Variants in EDA observed in about 807,000 individuals in gnomAD.
EDA encodes the protein ectodysplasin A, also known as ectodysplasin-A.
Under a neutral mutation model 23.6 loss-of-function variants are expected in EDA, and 2 were observed. That is an observed-to-expected ratio of 0.08 (90% CI 0.03 to 0.27). The LOEUF (loss-of-function observed/expected upper bound fraction) is 0.27. Among genes scored for constraint, EDA ranks in the 10% least tolerant of loss-of-function variants. The pLI is 1.00. For synonymous variants in EDA, 131 were observed against 132.0 expected, an observed-to-expected ratio of 0.99 and a Z score of 0.05; for missense variants, 229 against 324.2, an observed-to-expected ratio of 0.71 and a Z score of 2.26.
chrX:69,753,699 C>G lies in EDA; in HGVS notation c.396+136995C>G, dbSNP rs1005092168. 6.3e-5 allele frequency among the ~76,000 whole-genome samples: 7 copies of G among 111,201 alleles called. No homozygotes were observed. In the South Asian group the frequency reaches 1.1e-3, roughly 18 times the overall value. The stretch of plus-strand genomic sequence containing the variant: ...TGTTAAAGTCTCCCATTATTATTGT[C>G]TGGGTGTCTAAGTCTCTTTGTAGGT... On this transcript the variant is annotated intron_variant, in intron 1 of 7. Coordinates refer to ENST00000374552, the MANE Select transcript of EDA (RefSeq NM_001399.5).
intron 1 of EDA, among the ~76,000 whole-genome samples, chrX:69,796,428 C>T (rs1044367526): frequency 1.6e-4 from 18 of 111,296 alleles, no homozygotes; most frequent in African/African-American, 5.6e-4. Context: ...CAAATAACTA[C>T]ACCCTAAGCC....
chrX:69,900,422 T>C (rs1342237003), intron 1 of EDA, among the ~76,000 whole-genome samples: 1 of 107,269 alleles, frequency 9.3e-6, no homozygotes, highest in Admixed American at 9.9e-5. Context: ...ACTTTATATA[T>C]TTATGATATA....
At chrX:69,904,139 A>G (rs1277930644) in intron 1 of EDA, among the ~76,000 whole-genome samples, 1 of 111,629 alleles carries the variant, frequency 9.0e-6, no homozygotes. Flanking sequence ...CAGGCACACA[A>G]TGTGTAATGA....
chrX:69,655,459 G>A (rs774047843), intron 1 of EDA, among the ~76,000 whole-genome samples: 14 of 109,689 alleles, frequency 1.3e-4, no homozygotes, highest in Non-Finnish European at 2.3e-4. Context: ...ATTCCTATGC[G>A]GAGACCTTAT....
At chrX:69,699,923 C>A (rs2011486584) in intron 1 of EDA, among the ~76,000 whole-genome samples, 1 of 110,438 alleles carries the variant, frequency 9.1e-6, no homozygotes, top group African/African-American at 3.3e-5. Flanking sequence ...GAACCCAGAG[C>A]CTAAAATATC....
rs1403730755 is a variant in EDA at position 69,785,355 on chromosome X, A to C, written c.396+168651A>C. Reference sequence around the variant, plus strand: ...TTGAATAGGAGTGGTGAGAGAGGGCATCCCTGTCTTGTGCCAGTTTTCAAA... The same window carrying C: ...TTGAATAGGAGTGGTGAGAGAGGGCCTCCCTGTCTTGTGCCAGTTTTCAAA... On this transcript the variant is annotated intron_variant, in intron 1 of 7. Coordinates refer to ENST00000374552, the MANE Select transcript of EDA (RefSeq NM_001399.5). Among the ~76,000 whole-genome samples, 4 of 82,790 alleles carry C rather than the reference A, an allele frequency of 4.8e-5. 1 individual carries two copies. Among genetic ancestry groups the C allele is most frequent in the East Asian group, 6.0e-4 (2 of 3,325 alleles). 71.9% of individuals were successfully genotyped at this position (82,790 alleles called of 115,157 possible). A position where few individuals can be genotyped will look rare whatever the true frequency, so the allele number is the denominator to read the frequency against.
chrX:69,744,634 C>T (rs944678187), intron 1 of EDA, among the ~76,000 whole-genome samples: 4 of 112,006 alleles, frequency 3.6e-5, no homozygotes, highest in Non-Finnish European at 7.5e-5. Context: ...CTTAAACCCC[C>T]AAATGGTATC....
At chrX:70,008,575 T>C (rs1012506333) in intron 2 of EDA, among the ~76,000 whole-genome samples, 11 of 111,808 alleles carry the variant, frequency 9.8e-5, no homozygotes, top group Non-Finnish European at 2.1e-4. Flanking sequence ...TTTGCATCTA[T>C]ATTCAAGAGA....
intron 1 of EDA, among the ~76,000 whole-genome samples, chrX:69,933,349 T>G (rs2018626606): frequency 8.9e-6 from 1 of 112,028 alleles, no homozygotes; most frequent in Non-Finnish European, 1.9e-5. Flanking sequence ...TTATTTTTTC[T>G]TGCATCGTCT....
At chrX:69,843,794 A>G (rs1340192105) in intron 1 of EDA, among the ~76,000 whole-genome samples, 1 of 111,266 alleles carries the variant, frequency 9.0e-6, no homozygotes, top group African/African-American at 3.3e-5. Context: ...AGGCCGAGGC[A>G]GGTGGATCAC....
chrX:69,838,153 A>G (rs954968024), intron 1 of EDA, among the ~76,000 whole-genome samples: 1 of 112,414 alleles, frequency 8.9e-6, no homozygotes, highest in African/African-American at 3.2e-5. Context: ...CTCTGAGTGG[A>G]ACTCTGTTTC....
intron 1 of EDA, among the ~76,000 whole-genome samples, chrX:69,782,080 A>T (rs913747038): frequency 9.1e-6 from 1 of 109,870 alleles, no homozygotes; most frequent in Non-Finnish European, 1.9e-5. Flanking sequence ...TGCAATGCTC[A>T]CTTTGTTCCC....
At position 70,033,537 on chromosome X, in the gene EDA, G is replaced by A. The variant is rs761263650; in HGVS notation, c.924+9G>A. 3 of 1,207,980 alleles carry A rather than the reference G, an allele frequency of 2.5e-6. No individual in the cohort carries two copies. The highest frequency in any genetic ancestry group is 3.4e-6 in the Non-Finnish European group (3 of 894,569). On this transcript the variant is annotated intron_variant, in intron 7 of 7. Transcript: ENST00000374552. ...TCTATAGTCAGGTAGAAGTGAGTAC[G>A]GTCTTAGGCCTAACTCTTCTTATAT...
At chrX:69,848,382 T>C (rs1185770677) in intron 1 of EDA, among the ~76,000 whole-genome samples, 1 of 111,521 alleles carries the variant, frequency 9.0e-6, no homozygotes, top group Non-Finnish European at 1.9e-5. Flanking sequence ...TTCCTCTTGC[T>C]GAAGGGTCTT....
intron 1 of EDA, among the ~76,000 whole-genome samples, chrX:69,839,843 C>G (rs888881483): frequency 8.9e-6 from 1 of 112,133 alleles, no homozygotes; most frequent in Admixed American, 9.5e-5. Flanking sequence ...GACCTCAAAA[C>G]GATTTCAGAG....
At chrX:69,713,504 G>A (rs1449200903) in intron 1 of EDA, among the ~76,000 whole-genome samples, 3 of 111,288 alleles carry the variant, frequency 2.7e-5, no homozygotes, top group African/African-American at 6.5e-5. Flanking sequence ...AAACACACCC[G>A]CTGCCTCCTT....
intron 1 of EDA, among the ~76,000 whole-genome samples, chrX:69,765,166 G>A (rs778529431): frequency 3.0e-4 from 34 of 112,103 alleles, no homozygotes; most frequent in African/African-American, 1.0e-3. Flanking sequence ...ATGAGAGAAT[G>A]TAGCAACAGT....
intron 1 of EDA, among the ~76,000 whole-genome samples, chrX:69,789,109 C>G (rs1251572174): frequency 1.8e-5 from 2 of 112,371 alleles, no homozygotes; most frequent in African/African-American, 3.2e-5. Flanking sequence ...TCCCTGACCC[C>G]TTGCGCTTCC....
At chrX:69,988,008 C>A (rs773393524) in intron 2 of EDA, among the ~76,000 whole-genome samples, 11 of 112,072 alleles carry the variant, frequency 9.8e-5, no homozygotes, top group Non-Finnish European at 2.1e-4. Flanking sequence ...GTAGATTTAA[C>A]CCCCCACCAT....
Sources: allele counts gnomAD v4.1 joint callset (sites outside exome capture counted in the v4.1 genomes callset), GRCh38; gene constraint gnomAD v4.1.1; transcripts MANE v1.5; gene names NCBI Gene and HGNC (gene_info 2026-07-23, HGNC 2026-07-21).